Variants in IBA57 observed in about 807,000 individuals in gnomAD.
IBA57 encodes iron-sulfur cluster assembly factor IBA57.
IBA57 carries 20 observed loss-of-function variants against 20.4 expected under a neutral mutation model. That is an observed-to-expected ratio of 0.98 (90% confidence interval 0.69 to 1.42). The LOEUF (loss-of-function observed/expected upper bound fraction) is 1.42, where lower values mean the gene tolerates loss of function less well. Among genes scored for constraint, IBA57 ranks in the 40% most tolerant of loss-of-function variants. The probability of loss-of-function intolerance (pLI) is 0.00; values close to 1 mark genes in which losing one functional copy is unlikely to be tolerated. For missense variants in IBA57, 608 were observed against 499.3 expected (o/e 1.22, Z -2.07); for synonymous variants, 310 against 233.9 (o/e 1.33, Z -2.97).
Position 228,175,107 on chromosome 1 carries a change from C to A in IBA57, c.680-15C>A, listed in dbSNP as rs754770440. On this transcript the variant is annotated splice_polypyrimidine_tract_variant and intron_variant, in intron 2 of 2. Coordinates refer to ENST00000366711, the MANE Select transcript of IBA57 (RefSeq NM_001010867.4). ...TGTTCAATTCTCGCTGGTTTCCCCC[C>A]TCCAATCCCTGCAGGCGTTCCTGAG... is the stretch of plus-strand genomic sequence containing the variant. 2 of 1,606,418 alleles carry A rather than the reference C, an allele frequency of 1.2e-6. No individual in the cohort carries two copies. The highest frequency in any genetic ancestry group is 2.2e-5 in the South Asian group (2 of 90,464).
rs1053773776 is a variant in IBA57, at chr1:228,166,132, A to G, written c.316A>G (p.Thr106Ala). 1.1e-5 allele frequency: 16 copies of G among 1,521,322 alleles called. No individual in the cohort carries two copies. Among genetic ancestry groups the G allele is most frequent in the African/African-American group, 5.7e-5 (4 of 70,346 alleles). The allele number at this position is 1,521,322 out of a possible 1,614,324, so 94.2% of individuals were successfully genotyped here. A position where few individuals can be genotyped will look rare whatever the true frequency, so the allele number is the denominator to read the frequency against. Residue 106 changes from threonine to alanine, a missense_variant, in exon 1 of 3, where the codon ACG (threonine) becomes GCG (alanine). By Grantham distance (58) the Thr-to-Ala change is moderately conservative (BLOSUM62 0). Transcript: ENST00000366711. ...CCACTTCCTGAACGTGCAGGGCCGGACGCTCTATGACGTCATCTTGTACGG... is the reference window on the plus strand; with the variant it reads ...CCACTTCCTGAACGTGCAGGGCCGGGCGCTCTATGACGTCATCTTGTACGG... Reference protein sequence around the residue: ...YAHFLNVQGRTLYDVILYGLQ... With the variant: ...YAHFLNVQGRALYDVILYGLQ...
chr1:228,175,664 G>T lies in IBA57; in HGVS notation c.*151G>T. On this transcript the variant is annotated 3_prime_UTR_variant, in exon 3 of 3. Transcript: ENST00000366711. ...GGAAAGTCCCCCTTGTAGGTGCCCTGCCTGGCCCCACCCATGCTCAGGGGC... is the reference window on the plus strand; with the variant it reads ...GGAAAGTCCCCCTTGTAGGTGCCCTTCCTGGCCCCACCCATGCTCAGGGGC... 1.9e-6 allele frequency: 2 copies of T among 1,027,262 alleles called. No individual in the cohort carries two copies. The highest frequency in any genetic ancestry group is 2.7e-6 in the Non-Finnish European group (2 of 745,760). 63.6% of individuals were successfully genotyped at this position (1,027,262 alleles called of 1,614,324 possible).
In IBA57 at chr1:228,179,476, G is replaced by T. The variant is rs1290480723; in HGVS notation, c.*3963G>T. Reference sequence around the variant, plus strand: ...AATATGAGATGGGATGAGACAAGAAGATGGAGAGTTTAGTATGACATCCGC... The same window carrying T: ...AATATGAGATGGGATGAGACAAGAATATGGAGAGTTTAGTATGACATCCGC... On this transcript the variant is annotated 3_prime_UTR_variant, in exon 3 of 3. Transcript: ENST00000366711. The T allele has an allele frequency of 6.6e-6, 1 of 152,206 alleles. No individual in the cohort carries two copies. The highest frequency in any genetic ancestry group is 1.5e-5 in the Non-Finnish European group (1 of 68,042). The allele number at this position is 152,206 out of a possible 1,614,324, so 9.4% of individuals were successfully genotyped here. A position where few individuals can be genotyped will look rare whatever the true frequency, so the allele number is the denominator to read the frequency against.
At position 228,170,523 on chromosome 1, in the gene IBA57, G is replaced by A. The variant is rs75099011; in HGVS notation, c.342-4169G>A. Among the ~76,000 whole-genome samples the A allele has an allele frequency of 6.8e-3, 1,041 of 152,226 alleles. 9 individuals are homozygous for A. The highest frequency in any genetic ancestry group is 0.024 in the African/African-American group (992 of 41,526). ...GCTCGGGCTGGTCTTGAACTCCTGG[G>A]CTCAGGCGATTCTCCTGCCTCAGCT... On this transcript the variant is annotated intron_variant, in intron 1 of 2. Coordinates refer to ENST00000366711, the MANE Select transcript of IBA57 (RefSeq NM_001010867.4). The surrounding 1 kb of genome is among the most constrained non-coding windows in gnomAD (Gnocchi z 4.8).
Position 228,181,274 on chromosome 1 carries a change from C to T in IBA57, c.*5761C>T, listed in dbSNP as rs977350968. On this transcript the variant is annotated 3_prime_UTR_variant, in exon 3 of 3. Transcript: ENST00000366711. ...TCTCCAGAACCGTGAGCCAATAAACCTCTGTTCCTTGTAAATGAGTCAGCC... is the reference window on the plus strand; with the variant it reads ...TCTCCAGAACCGTGAGCCAATAAACTTCTGTTCCTTGTAAATGAGTCAGCC... 5.3e-5 allele frequency: 8 copies of T among 152,210 alleles called. No individual in the cohort carries two copies. The highest frequency in any genetic ancestry group is 1.9e-4 in the African/African-American group (8 of 41,440). The allele number at this position is 152,210 out of a possible 1,614,324, so 9.4% of individuals were successfully genotyped here. A position where few individuals can be genotyped will look rare whatever the true frequency, so the allele number is the denominator to read the frequency against.
intron 1 of IBA57, 53 bp downstream of exon 1, chr1:228,166,210 G>A: frequency 1.5e-6 from 2 of 1,339,060 alleles, no homozygotes; most frequent in Non-Finnish European, 1.9e-6. Context: ...GGAGTGGCCA[G>A]GGACCGGCAC....
In IBA57 at chr1:228,170,161, G is replaced by A. The variant is rs539303217; in HGVS notation, c.341+4004G>A. Among the ~76,000 whole-genome samples, 561 of 152,222 alleles carry A rather than the reference G, an allele frequency of 3.7e-3. 3 individuals carry two copies. The highest frequency in any genetic ancestry group is 5.7e-3 in the Non-Finnish European group (385 of 68,026). On this transcript the variant is annotated intron_variant, in intron 1 of 2. Transcript: ENST00000366711. This position sits in a 1 kb window ranked among gnomAD's most constrained non-coding sequence, Gnocchi z 4.8. ...TGGGATTACAGGCGTGAGCCACGGC[G>A]CCCGGCCGACAGCTAATTTCTTTTA...
At position 228,181,457 on chromosome 1, in the gene IBA57, TC is replaced by T. The variant is rs1467382091; in HGVS notation, c.*5946del. 1 of 152,288 alleles carries T rather than the reference TC, an allele frequency of 6.6e-6. No individual in the cohort carries two copies. The highest frequency in any genetic ancestry group is 1.9e-4 in the East Asian group (1 of 5,198). 9.4% of individuals were successfully genotyped at this position (152,288 alleles called of 1,614,324 possible). On this transcript the variant is annotated 3_prime_UTR_variant, in exon 3 of 3. Coordinates refer to ENST00000366711, the MANE Select transcript of IBA57 (RefSeq NM_001010867.4). ...CTGTCTCACCTGGAAGCTCTCCCAC[TC>T]CTCTGGCCAGCCTGGGCATCTCCAC...
chr1:228,173,724 C>T (rs1489615032), intron 1 of IBA57, among the ~76,000 whole-genome samples: 1 of 152,314 alleles, frequency 6.6e-6, no homozygotes, highest in Non-Finnish European at 1.5e-5. Context: ...TTCTCAGTGG[C>T]TGTGCACACC....
rs1475576664 is a variant in IBA57 at position 228,174,808 on chromosome 1, C to A, written c.458C>A (p.Pro153Gln). The A allele has an allele frequency of 6.2e-7, 1 of 1,610,710 alleles. No individual in the cohort carries two copies. Among genetic ancestry groups the A allele is most frequent in the Non-Finnish European group, 8.5e-7 (1 of 1,179,348 alleles). The change falls in exon 2 of 3, where the codon CCG becomes CAG. Residue 153 changes from proline to glutamine, a missense_variant. Physicochemically the swap from Pro to Gln is moderately conservative, Grantham distance 76 (BLOSUM62 -1). Coordinates refer to ENST00000366711, the MANE Select transcript of IBA57 (RefSeq NM_001010867.4). ...ATCCGGCGGAAGGTCACGGTGGAGC[C>A]GCACCCGGAGCTGCGAGTGTGGGCG... ...YRIRRKVTVE[P>Q]HPELRVWAVL...
rs1197668742 is a variant in IBA57, at chr1:228,177,161, T to A, written c.*1648T>A. 1 of 152,240 alleles carries A rather than the reference T, an allele frequency of 6.6e-6. No homozygotes were observed. Among genetic ancestry groups the A allele is most frequent in the African/African-American group, 2.4e-5 (1 of 41,450 alleles). 9.4% of individuals were successfully genotyped at this position (152,240 alleles called of 1,614,324 possible). The stretch of plus-strand genomic sequence containing the variant: ...TGGCCTGTGTCACCAAGAGCTGGTG[T>A]CTCCTGCATGAGGGGCATGCACCCC... On this transcript the variant is annotated 3_prime_UTR_variant, in exon 3 of 3. Coordinates refer to ENST00000366711, the MANE Select transcript of IBA57 (RefSeq NM_001010867.4).
chr1:228,181,481 C>T lies in IBA57; in HGVS notation c.*5968C>T, dbSNP rs1029701809. 2.6e-5 allele frequency: 4 copies of T among 152,344 alleles called. No individual in the cohort carries two copies. The highest frequency in any genetic ancestry group is 5.9e-5 in the Non-Finnish European group (4 of 68,124). 9.4% of individuals were successfully genotyped at this position (152,344 alleles called of 1,614,324 possible). On this transcript the variant is annotated 3_prime_UTR_variant, in exon 3 of 3. Transcript: ENST00000366711. ...CTCCTCTGGCCAGCCTGGGCATCTC[C>T]ACCCAATATGAGTGATGGCGACTGA...
At chr1:228,168,921 T>C (rs1213225107) in intron 1 of IBA57, among the ~76,000 whole-genome samples, 2 of 152,118 alleles carry the variant, frequency 1.3e-5, no homozygotes, top group African/African-American at 4.8e-5. Context: ...TTCATGGCCC[T>C]GTTTCTCCTC....
rs1221035956 is a variant in IBA57 at position 228,179,734 on chromosome 1, C to T, written c.*4221C>T. 6.6e-6 allele frequency: 1 copy of T among 152,066 alleles called. No individual in the cohort carries two copies. The highest frequency in any genetic ancestry group is 1.5e-5 in the Non-Finnish European group (1 of 68,032). The allele number at this position is 152,066 out of a possible 1,614,324, so 9.4% of individuals were successfully genotyped here. Reference sequence around the variant, plus strand: ...TTAAGGCAGAAAAGAAAGAGATTATCTGGAAAGAAGAAAATAAGTAGTTGA... The same window carrying T: ...TTAAGGCAGAAAAGAAAGAGATTATTTGGAAAGAAGAAAATAAGTAGTTGA... On this transcript the variant is annotated 3_prime_UTR_variant, in exon 3 of 3. Transcript: ENST00000366711.
In IBA57 at chr1:228,177,883, C is replaced by G. The variant is rs76134663; in HGVS notation, c.*2370C>G. On this transcript the variant is annotated 3_prime_UTR_variant, in exon 3 of 3. Transcript: ENST00000366711. ...CTTGGAAGCAGGCCCTAAAGCGCAT[C>G]GGCAGGGTCAGAGCTTTGTGTTCAG... 1 of 152,204 alleles carries G rather than the reference C, an allele frequency of 6.6e-6. No individual in the cohort carries two copies. Among genetic ancestry groups the G allele is most frequent in the Non-Finnish European group, 1.5e-5 (1 of 68,046 alleles). The allele number at this position is 152,204 out of a possible 1,614,324, so 9.4% of individuals were successfully genotyped here.
intron 1 of IBA57, 119 bp downstream of exon 1, chr1:228,166,276 G>C (rs1381597596): frequency 1.5e-6 from 1 of 652,352 alleles, no homozygotes; most frequent in Non-Finnish European, 2.3e-6. Context: ...TGGGCACCCG[G>C]GGAGGGCCGG....
At position 228,166,059 on chromosome 1, in the gene IBA57, G is replaced by A. The variant is rs1271228300; in HGVS notation, c.243G>A (p.Pro81=). The part of the protein sequence containing the change: ...LGLLTNELPL[P]SPAAAGAPPA... ...TGCTGACCAATGAACTGCCGCTTCC[G>A]AGTCCTGCGGCCGCGGGGGCCCCGC... Residue 81 remains proline, a synonymous_variant, in exon 1 of 3, where the codon CCG becomes CCA. Transcript: ENST00000366711. 2 of 1,537,640 alleles carry A rather than the reference G, an allele frequency of 1.3e-6. No homozygotes were observed. Among genetic ancestry groups the A allele is most frequent in the Admixed American group, 2.0e-5 (1 of 50,796 alleles).
chr1:228,181,844 G>C lies in IBA57; in HGVS notation c.*6331G>C, dbSNP rs1287212847. 1 of 152,236 alleles carries C rather than the reference G, an allele frequency of 6.6e-6. No homozygotes were observed. The highest frequency in any genetic ancestry group is 1.5e-5 in the Non-Finnish European group (1 of 68,048). 9.4% of individuals were successfully genotyped at this position (152,236 alleles called of 1,614,324 possible). ...TTGAACGTCTTGGGTGAACACCTTG[G>C]TTTGAGAAAAGTAAGAAAAAGGGTC... On this transcript the variant is annotated 3_prime_UTR_variant, in exon 3 of 3. Coordinates refer to ENST00000366711, the MANE Select transcript of IBA57 (RefSeq NM_001010867.4).
chr1:228,170,263 C>G lies in IBA57; in HGVS notation c.341+4106C>G, dbSNP rs1328956914. ...TACTGAGGGACATATTGGTTGCTTC[C>G]AAGTTTTGGCAATTATGGATAAAGC... On this transcript the variant is annotated intron_variant, in intron 1 of 2. Coordinates refer to ENST00000366711, the MANE Select transcript of IBA57 (RefSeq NM_001010867.4). This position sits in a 1 kb window ranked among gnomAD's most constrained non-coding sequence, Gnocchi z 4.8. Among the ~76,000 whole-genome samples, 1 of 152,188 alleles carries G rather than the reference C, an allele frequency of 6.6e-6. No homozygotes were observed. The highest frequency in any genetic ancestry group is 1.5e-5 in the Non-Finnish European group (1 of 68,052).
Sources: gnomAD v4.1 joint callset for allele counts (sites outside exome capture counted in the v4.1 genomes callset) on GRCh38, gnomAD v4.1.1 for gene constraint, Gnocchi (gnomAD v3.1) non-coding constraint, MANE v1.5 for transcripts, NCBI Gene and HGNC (gene_info 2026-07-23, HGNC 2026-07-21) for gene names.